The following ERC2 variants were observed in gnomAD, a reference collection of about 807,000 sequenced individuals.
The protein encoded by ERC2 is ERC protein 2.
ERC2 carries 42 observed loss-of-function variants against 114.8 expected under a neutral mutation model. The ratio of observed to expected loss-of-function variants is 0.37; its 90% CI spans 0.29 to 0.47. The LOEUF (loss-of-function observed/expected upper bound fraction) is 0.47, where lower values mean the gene tolerates loss of function less well. Among genes scored for constraint, ERC2 ranks in the 20% least tolerant of loss-of-function variants. The pLI is 0.99. For synonymous variants in ERC2, 454 were observed against 425.5 expected (o/e 1.07, Z -0.82); for missense variants, 939 against 1,150.7 (o/e 0.82, Z 2.66).
Position 56,460,911 on chromosome 3 carries a change from G to A in ERC2, c.-141+7337C>T, listed in dbSNP as rs1045184040. Among the ~76,000 whole-genome samples, 6 of 137,360 alleles carry A rather than the reference G, an allele frequency of 4.4e-5. No individual in the cohort carries two copies. In the East Asian group the frequency reaches 6.5e-4, roughly 15 times the overall value. The allele number at this position is 137,360 out of a possible 152,430, so 90.1% of individuals were successfully genotyped here. On this transcript the variant is annotated intron_variant, in intron 1 of 17. Coordinates refer to ENST00000288221, the MANE Select transcript of ERC2 (RefSeq NM_015576.3). ...CGAGGCGGGCGGATCACGGGGTCACGAGATCAAGACCATCCTGGCTAACAC... is the reference window on the plus strand; with the variant it reads ...CGAGGCGGGCGGATCACGGGGTCACAAGATCAAGACCATCCTGGCTAACAC...
At chr3:56,162,760 CT>C (rs1056636889) in intron 4 of ERC2, among the ~76,000 whole-genome samples, 35 of 151,960 alleles carry the variant, frequency 2.3e-4, no homozygotes, top group African/African-American at 7.7e-4. Flanking sequence ...TTATTTGGAT[CT>C]TTTTTTCTTT....
At chr3:56,348,940 GAAGGAAGGA>G (rs1463392779) in intron 2 of ERC2, among the ~76,000 whole-genome samples, 261 of 137,490 alleles carry the variant, frequency 1.9e-3, no homozygotes, top group African/African-American at 7.3e-3. Context: ...AGGAAGGAAG[GAAGGAAGGA>G]AGGAAGGAAA....
chr3:55,862,785 C>G (rs2062087975), intron 14 of ERC2, among the ~76,000 whole-genome samples: 1 of 152,158 alleles, frequency 6.6e-6, no homozygotes, highest in African/African-American at 2.4e-5. Flanking sequence ...GCAGACCCAC[C>G]ACATGCAGCA....
At chr3:56,174,144 C>T (rs7634869) in intron 3 of ERC2, among the ~76,000 whole-genome samples, 139,165 of 152,250 alleles carry the variant, frequency 0.91, 64,046 homozygotes, top group East Asian at 1. Flanking sequence ...AACAGTGTTA[C>T]AGGGGAGAAA....
intron 3 of ERC2, among the ~76,000 whole-genome samples, chr3:56,195,303 C>T (rs539905857): frequency 2.4e-4 from 37 of 152,164 alleles, no homozygotes; most frequent in African/African-American, 8.2e-4. Flanking sequence ...AGCAGAACAG[C>T]GTGAGATTTC....
chr3:55,881,417 T>G (rs2063114490), intron 14 of ERC2, among the ~76,000 whole-genome samples: 1 of 152,198 alleles, frequency 6.6e-6, no homozygotes. Context: ...CAAAGGGGCC[T>G]GCTGAAAATG....
intron 14 of ERC2, among the ~76,000 whole-genome samples, chr3:55,784,314 A>G (rs529480458): frequency 2.0e-5 from 3 of 152,202 alleles, no homozygotes; most frequent in Non-Finnish European, 4.4e-5. Flanking sequence ...AGGAGATTTA[A>G]TATTTACAGA....
At chr3:56,057,091 C>A (rs543949249) in intron 7 of ERC2, among the ~76,000 whole-genome samples, 51 of 152,308 alleles carry the variant, frequency 3.3e-4, no homozygotes, top group African/African-American at 1.1e-3. Context: ...TTCTTACCTT[C>A]TCCTCCTTCC....
chr3:55,511,922 T>C (rs1387485412), intron 17 of ERC2, among the ~76,000 whole-genome samples: 1 of 152,232 alleles, frequency 6.6e-6, no homozygotes, highest in African/African-American at 2.4e-5. Context: ...CCTCCCACAC[T>C]ACTGCTTCAG....
rs1283932154 is a variant in ERC2, at chr3:55,515,579, A to AT, written c.*40-4304dup. 1.1e-4 allele frequency among the ~76,000 whole-genome samples: 16 copies of AT among 143,442 alleles called. No homozygotes were observed. In the East Asian group the frequency reaches 2.2e-3, roughly 20 times the overall value. The allele number at this position is 143,442 out of a possible 152,430, so 94.1% of individuals were successfully genotyped here. On this transcript the variant is annotated intron_variant, in intron 17 of 17. Coordinates refer to ENST00000288221, the MANE Select transcript of ERC2 (RefSeq NM_015576.3). Reference sequence around the variant, plus strand: ...CTTTTTTTTTTTTTGCTCTTTTTGGATTTTTTTAAACCTAAGAATGTATAA... The same window carrying AT: ...CTTTTTTTTTTTTTGCTCTTTTTGGATTTTTTTTAAACCTAAGAATGTATAA...
intron 5 of ERC2, among the ~76,000 whole-genome samples, chr3:56,147,479 A>T (rs145107162): frequency 6.6e-6 from 1 of 152,328 alleles, no homozygotes; most frequent in Non-Finnish European, 1.5e-5. Flanking sequence ...ATACACACAC[A>T]CACACGCACA....
intron 14 of ERC2, among the ~76,000 whole-genome samples, chr3:55,862,886 T>A (rs2149265292): frequency 6.6e-6 from 1 of 152,240 alleles, no homozygotes; most frequent in African/African-American, 2.4e-5. Flanking sequence ...TGTTTTAAAA[T>A]CTCCATACTT....
intron 2 of ERC2, among the ~76,000 whole-genome samples, chr3:56,366,157 G>A (rs765567661): frequency 5.9e-5 from 9 of 152,138 alleles, no homozygotes; most frequent in Non-Finnish European, 1.3e-4. Context: ...TCTGCTTCTA[G>A]TTAGCCCGCC....
Position 56,410,912 on chromosome 3 carries a change from C to T in ERC2, c.657+23439G>A, listed in dbSNP as rs115358564. Among the ~76,000 whole-genome samples, 1,319 of 151,978 alleles carry T rather than the reference C, an allele frequency of 8.7e-3. 16 individuals carry two copies. The highest frequency in any genetic ancestry group is 0.03 in the African/African-American group (1,233 of 41,440). On this transcript the variant is annotated intron_variant, in intron 2 of 17. Transcript: ENST00000288221. ...ATCCTCTCCTTTTCACTTGTCCCTC[C>T]TTGCCCAGGATACAGTAGGAATATG...
At chr3:55,902,381 C>G (rs906723275) in intron 13 of ERC2, among the ~76,000 whole-genome samples, 5 of 152,112 alleles carry the variant, frequency 3.3e-5, no homozygotes, top group Admixed American at 1.3e-4. Context: ...TCCCTCCTCT[C>G]GGCGATTACT....
chr3:56,399,766 G>A (rs1470114403), intron 2 of ERC2, among the ~76,000 whole-genome samples: 1 of 149,920 alleles, frequency 6.7e-6, no homozygotes. Flanking sequence ...CCTCTCCCAT[G>A]AAAAAAAAAG....
intron 7 of ERC2, among the ~76,000 whole-genome samples, chr3:56,039,350 C>T (rs2074995296): frequency 6.6e-6 from 1 of 152,114 alleles, no homozygotes. Flanking sequence ...TCTCTATATA[C>T]TAACAACAAA....
At chr3:55,594,120 C>A (rs954101455) in intron 17 of ERC2, among the ~76,000 whole-genome samples, 7 of 152,112 alleles carry the variant, frequency 4.6e-5, no homozygotes, top group South Asian at 2.1e-4. Context: ...CTGTTGGCAC[C>A]TTTTTTCCTC....
intron 14 of ERC2, among the ~76,000 whole-genome samples, chr3:55,742,341 A>C (rs980046885): frequency 6.6e-6 from 1 of 152,218 alleles, no homozygotes; most frequent in African/African-American, 2.4e-5. Flanking sequence ...TGAGCTCTGA[A>C]AGAGGATCTA....
Sources: gnomAD v4.1 joint callset for allele counts (sites outside exome capture counted in the v4.1 genomes callset) on GRCh38, gnomAD v4.1.1 for gene constraint, MANE v1.5 for transcripts, NCBI Gene and HGNC (gene_info 2026-07-23, HGNC 2026-07-21) for gene names.